The following UBR4 variants were observed in gnomAD, a reference collection of about 807,000 sequenced individuals.
UBR4 encodes E3 ubiquitin-protein ligase UBR4.
In UBR4, 124 loss-of-function variants were observed where a neutral mutation model predicts 575.6. The observed-to-expected ratio is 0.22, with a 90% CI of 0.19 to 0.25. The LOEUF (loss-of-function observed/expected upper bound fraction) is 0.25. Ranked by LOEUF, UBR4 falls within the 10% of genes least tolerant of loss-of-function variation. The probability of loss-of-function intolerance (pLI) is 1.00; values close to 1 mark genes in which losing one functional copy is unlikely to be tolerated. For synonymous variants in UBR4, 2,455 were observed against 2,473.7 expected (o/e 0.99, Z 0.22); for missense variants, 4,818 against 6,478.8 (o/e 0.74, Z 8.80).
At chr1:19,119,503 G>GA in intron 70 of UBR4, 54 bp downstream of exon 70, 2 of 1,584,810 alleles carry the variant, frequency 1.3e-6, no homozygotes, top group South Asian at 2.2e-5. Context: ...TAACTCAAGA[G>GA]AAAAAAGGTT....
rs2077217282 is a variant in UBR4, at chr1:19,088,424, T to G, written c.14430+335A>C. 6.6e-6 allele frequency among the ~76,000 whole-genome samples: 1 copy of G among 152,210 alleles called. No individual in the cohort carries two copies. Among genetic ancestry groups the G allele is most frequent in the Admixed American group, 6.5e-5 (1 of 15,284 alleles). The stretch of plus-strand genomic sequence containing the variant: ...AGTTATGTGCCTTGGCCTATTTACT[T>G]CACCTCTCAGTTTCAGTTACTTCAT... On this transcript the variant is annotated intron_variant, in intron 98 of 105. Transcript: ENST00000375254. The surrounding 1 kb of genome is among the most constrained non-coding windows in gnomAD (Gnocchi z 4.0).
chr1:19,113,519 C>T, intron 77 of UBR4, 180 bp downstream of exon 77: 1 of 861,204 alleles, frequency 1.2e-6, no homozygotes, highest in Non-Finnish European at 1.8e-6. Context: ...TGACCAGCGC[C>T]ATAAATCACG....
In UBR4 at chr1:19,167,171, T is replaced by A. The variant is rs200299641; in HGVS notation, c.3960A>T (p.Glu1320Asp). Residue 1320 changes from glutamate to aspartate, a missense_variant, in exon 29 of 106, where the codon GAA becomes GAT. Around this residue, in one of 29 missense-constraint regions of UBR4, gnomAD observed 1,172 missense variants for 1,259.7 expected, o/e 0.93. Transcript: ENST00000375254. ...TCTCGGCAACACTCTCAGTGCTTGA[T>A]TCCAAAAGAAGAGGTAGCAGTGTCC... ...VIRTLLPLLL[E>D]SSTESVAEIS... 7 of 1,614,184 alleles carry A rather than the reference T, an allele frequency of 4.3e-6. No individual in the cohort carries two copies. In the East Asian group the frequency reaches 1.6e-4, roughly 36 times the overall value.
At chr1:19,201,953 A>C in intron 1 of UBR4, 138 bp from the exon 2 acceptor site, 1 of 722,896 alleles carries the variant, frequency 1.4e-6, no homozygotes, top group South Asian at 1.9e-5. Context: ...CAAGACTGGG[A>C]AAGATGAGAC....
intron 17 of UBR4, among the ~76,000 whole-genome samples, chr1:19,181,770 AT>A (rs1292753879): frequency 6.6e-6 from 1 of 152,220 alleles, no homozygotes; most frequent in African/African-American, 2.4e-5. Context: ...ACCAAGCACT[AT>A]TTTTGTTTTA....
At chr1:19,184,386 A>T (rs1220437504) in intron 15 of UBR4, among the ~76,000 whole-genome samples, 1 of 152,254 alleles carries the variant, frequency 6.6e-6, no homozygotes, top group African/African-American at 2.4e-5. Context: ...ACAAAATGGC[A>T]TTCCAGTTTA....
At chr1:19,154,018 C>T in intron 44 of UBR4, 79 bp from the exon 45 acceptor site, 1 of 1,499,558 alleles carries the variant, frequency 6.7e-7, no homozygotes, top group African/African-American at 1.4e-5. Context: ...AAACCATCCT[C>T]TAACTGGCTA....
In UBR4 at chr1:19,124,502, C is replaced by A. The variant is rs766986525; in HGVS notation, c.9588+39G>T. 2.1e-5 allele frequency: 34 copies of A among 1,609,900 alleles called. No homozygotes were observed. The East Asian group carries it at 7.1e-4, about 34-fold the overall frequency. On this transcript the variant is annotated intron_variant, in intron 65 of 105. Transcript: ENST00000375254. ...CCACAGAGGTGAATGCAGATGTGTC[C>A]TCAGCCCAACAAGCATGCAGCTTGG...
At chr1:19,107,859 C>A (rs2079398419) in intron 81 of UBR4, among the ~76,000 whole-genome samples, 1 of 152,062 alleles carries the variant, frequency 6.6e-6, no homozygotes, top group South Asian at 2.1e-4. Flanking sequence ...AAGAGTAAAT[C>A]TATTATTTGT....
intron 86 of UBR4, 102 bp downstream of exon 86, chr1:19,104,483 C>A: frequency 7.5e-7 from 1 of 1,330,740 alleles, no homozygotes; most frequent in South Asian, 1.3e-5. Flanking sequence ...GCACTAAGGT[C>A]AGTACCAGAG....
rs2077256975 is a variant in UBR4 at position 19,088,854 on chromosome 1, T to G, written c.14335A>C (p.Lys4779Gln). The G allele has an allele frequency of 1.9e-6, 3 of 1,614,074 alleles. No homozygotes were observed. The South Asian group carries it at 3.3e-5, about 18-fold the overall frequency. Residue 4779 changes from lysine (K) to glutamine (Q), a missense_variant, in exon 98 of 106, where the codon AAG becomes CAG. Physicochemically the swap from Lys to Gln is moderately conservative, Grantham distance 53. Transcript: ENST00000375254. This position sits in a 1 kb window ranked among gnomAD's most constrained non-coding sequence, Gnocchi z 4.0. ...EALREHPDVN[K>Q]KIDAARRETR... ...TCCCTGCGGGCTGCGTCAATCTTCT[T>G]GTTTACGTCAGGGTGTTCCCGCAGG...
At chr1:19,167,421 T>C (rs1303286533) in intron 28 of UBR4, among the ~76,000 whole-genome samples, 190 bp from the exon 29 acceptor site, 5 of 152,246 alleles carry the variant, frequency 3.3e-5, no homozygotes, top group Non-Finnish European at 7.3e-5. Context: ...ATATTCTTCT[T>C]TTTCATTATT....
In UBR4 at chr1:19,127,687, A is replaced by C. The variant is rs531206534; in HGVS notation, c.9164T>G (p.Val3055Gly). 2.5e-6 allele frequency: 4 copies of C among 1,614,168 alleles called. No individual in the cohort carries two copies. Among genetic ancestry groups the C allele is most frequent in the African/African-American group, 2.7e-5 (2 of 75,040 alleles). The stretch of plus-strand genomic sequence containing the variant: ...CATGAAGACACTCAGGAGTCTCATT[A>C]CTACCAGATGGACTTCATTCAGGGC... ...RSALNEVHLV[V>G]MRLLSVFMSR... The change falls in exon 63 of 106, where the codon GTA becomes GGA. Residue 3055 changes from valine (V) to glycine (G), a missense_variant. Physicochemically the swap from Val to Gly is moderately radical, Grantham distance 109 (BLOSUM62 -3). This residue lies in a region of UBR4 where 550 missense variants were observed against 791.5 expected (regional missense o/e 0.69). Coordinates refer to ENST00000375254, the MANE Select transcript of UBR4 (RefSeq NM_020765.3).
At chr1:19,191,123 C>T (rs2092038817) in intron 11 of UBR4, among the ~76,000 whole-genome samples, 1 of 152,190 alleles carries the variant, frequency 6.6e-6, no homozygotes, top group Non-Finnish European at 1.5e-5. Flanking sequence ...ATGGTCTCTA[C>T]ATCATGTCTT....
chr1:19,112,814 T>C lies in UBR4; in HGVS notation c.11511A>G (p.Glu3837=). ...AGGTCCGGGATGATTTAGTGGCTGC[T>C]TCCCTCTGCTGTAGGTCATATTCCA... ...ELLEYDLQQR[E]AATKSSRTSV... is the part of the protein sequence containing the mutation. Residue 3837 remains glutamate (E), a synonymous_variant, in exon 78 of 106, where the codon GAA becomes GAG. Transcript: ENST00000375254. 1 of 1,613,990 alleles carries C rather than the reference T, an allele frequency of 6.2e-7. No homozygotes were observed. The highest frequency in any genetic ancestry group is 8.5e-7 in the Non-Finnish European group (1 of 1,179,892).
intron 97 of UBR4, 168 bp downstream of exon 97, chr1:19,092,651 C>T (rs987087411): frequency 2.8e-5 from 15 of 538,204 alleles, no homozygotes; most frequent in Non-Finnish European, 4.7e-5. Context: ...ATGAGGAAAT[C>T]ACAAATACAA....
chr1:19,124,729 G>A (rs763908974), intron 64 of UBR4, 39 bp from the exon 65 acceptor site: 17 of 1,596,112 alleles, frequency 1.1e-5, no homozygotes, highest in Admixed American at 1.8e-5. Flanking sequence ...TGTGACTATC[G>A]ATTTTCCATG....
chr1:19,166,908 A>C, intron 29 of UBR4, 114 bp downstream of exon 29: 1 of 1,259,284 alleles, frequency 7.9e-7, no homozygotes, highest in Non-Finnish European at 1.1e-6. Context: ...AATAAAAAAA[A>C]AACCACACAC....
chr1:19,151,695 G>T lies in UBR4; in HGVS notation c.7161C>A (p.Phe2387Leu). The T allele has an allele frequency of 6.2e-7, 1 of 1,614,178 alleles. No homozygotes were observed. Among genetic ancestry groups the T allele is most frequent in the Non-Finnish European group, 8.5e-7 (1 of 1,180,004 alleles). The change falls in exon 48 of 106, where the codon TTC becomes TTA. Residue 2387 changes from phenylalanine (F) to leucine (L), a missense_variant. This residue lies in a region of UBR4 where 6 missense variants were observed against 21.0 expected (regional missense o/e 0.29). Transcript: ENST00000375254. ...LNLSRSRWFD[F>L]PFTREEALQA... is the part of the protein sequence containing the mutation. ...GCAGGGCTTCTTCTCTGGTGAAGGG[G>T]AAGTCAAACCAGCGTGAGCGACTCA...
Sources: gnomAD v4.1 joint callset for allele counts (sites outside exome capture counted in the v4.1 genomes callset) on GRCh38, gnomAD v4.1.1 for gene constraint, gnomAD v4.1.1 regional missense constraint, Gnocchi (gnomAD v3.1) non-coding constraint, MANE v1.5 for transcripts, NCBI Gene and HGNC (gene_info 2026-07-23, HGNC 2026-07-21) for gene names.